PCSK5: variants seen among roughly 807,000 people sequenced by gnomAD.
PCSK5 encodes prohormone convertase 5.
In PCSK5, 129 loss-of-function variants were observed where a neutral mutation model predicts 233.2. The observed-to-expected ratio is 0.55, with a 90% CI of 0.48 to 0.64. The LOEUF is 0.64. Among genes scored for constraint, PCSK5 ranks in the 30% least tolerant of loss-of-function variants. The pLI, the probability that PCSK5 is intolerant of heterozygous loss-of-function variation, is 0.00. For missense variants in PCSK5, 2,076 were observed against 2,430.1 expected (o/e 0.85, Z 3.06); for synonymous variants, 825 against 879.2 (o/e 0.94, Z 1.09).
intron 24 of PCSK5, among the ~76,000 whole-genome samples, chr9:76,253,420 GC>G (rs773497944): frequency 8.6e-5 from 13 of 152,034 alleles, no homozygotes; most frequent in Admixed American, 5.2e-4. Context: ...GAGCCTCCCT[GC>G]CCCCTCATTG....
At chr9:76,234,064 A>T (rs1826178682) in intron 22 of PCSK5, among the ~76,000 whole-genome samples, 1 of 152,144 alleles carries the variant, frequency 6.6e-6, no homozygotes, top group African/African-American at 2.4e-5. Flanking sequence ...ATTTACCTGC[A>T]CTAAAAGTTT....
chr9:76,136,600 A>C (rs1385803831), intron 10 of PCSK5, among the ~76,000 whole-genome samples: 1 of 151,948 alleles, frequency 6.6e-6, no homozygotes, highest in Non-Finnish European at 1.5e-5. Context: ...TCTTTGTCCC[A>C]CCCAACTCAG....
At chr9:75,990,262 C>G (rs897542190) in intron 3 of PCSK5, among the ~76,000 whole-genome samples, 1 of 152,144 alleles carries the variant, frequency 6.6e-6, no homozygotes. Context: ...CCATTTCTGT[C>G]GTTCAATATT....
chr9:76,080,827 G>A (rs1039850120), intron 7 of PCSK5, among the ~76,000 whole-genome samples: 3 of 152,098 alleles, frequency 2.0e-5, no homozygotes, highest in South Asian at 2.1e-4. Flanking sequence ...CTCTAAATAC[G>A]TTATGAATCT....
chr9:76,294,878 C>T (rs1220383711), intron 25 of PCSK5, among the ~76,000 whole-genome samples: 1 of 152,104 alleles, frequency 6.6e-6, no homozygotes, highest in East Asian at 1.9e-4. Context: ...ACAGGCTGGG[C>T]GTGGTGGCTC....
chr9:76,229,198 TAC>T (rs1825996171), intron 21 of PCSK5, among the ~76,000 whole-genome samples: 1 of 152,244 alleles, frequency 6.6e-6, no homozygotes, highest in South Asian at 2.1e-4. Context: ...TACTCTAAGA[TAC>T]AGATAGCATT....
intron 10 of PCSK5, among the ~76,000 whole-genome samples, chr9:76,140,658 A>G (rs1020018414): frequency 6.6e-6 from 1 of 152,096 alleles, no homozygotes; most frequent in Admixed American, 6.6e-5. Context: ...TTTTTAAATC[A>G]TTAATCGTGT....
intron 5 of PCSK5, among the ~76,000 whole-genome samples, chr9:76,040,676 T>G (rs1482326535): frequency 6.6e-6 from 1 of 152,156 alleles, no homozygotes. Context: ...CCCATGTTCC[T>G]TGTATCATAA....
chr9:76,273,817 CT>C (rs745490756), intron 24 of PCSK5, among the ~76,000 whole-genome samples: 479 of 139,986 alleles, frequency 3.4e-3, no homozygotes, highest in Non-Finnish European at 5.2e-3. Context: ...TTTTTTTTTT[CT>C]TTTTTTTTTT....
chr9:76,073,061 T>C (rs1306151690), intron 7 of PCSK5, among the ~76,000 whole-genome samples: 1 of 152,240 alleles, frequency 6.6e-6, no homozygotes, highest in Admixed American at 6.5e-5. Context: ...AGACAGTGCA[T>C]TGCATTCTAG....
chr9:76,215,488 A>T (rs189879753), intron 20 of PCSK5, among the ~76,000 whole-genome samples: 4 of 152,322 alleles, frequency 2.6e-5, no homozygotes, highest in Admixed American at 1.3e-4. Context: ...TATGGGGCCC[A>T]GACTTGTTTC....
In PCSK5 at chr9:76,308,696, G is replaced by T. The variant is rs1232456025; in HGVS notation, c.3656G>T (p.Gly1219Val). The change falls in exon 29 of 38, where the codon GGA becomes GTA. Residue 1219 changes from glycine (G) to valine (V), a missense_variant. Gly to Val is a moderately radical substitution (Grantham distance 109, BLOSUM62 -3). Transcript: ENST00000674117. ...CATTCTTCTTGTAAAACCTGCAATGGATCTGCAACTCTGTGCACTTCATGT... is the reference window on the plus strand; with the variant it reads ...CATTCTTCTTGTAAAACCTGCAATGTATCTGCAACTCTGTGCACTTCATGT... ...PCHSSCKTCN[G>V]SATLCTSCPK... 2.5e-6 allele frequency: 4 copies of T among 1,610,652 alleles called. No homozygotes were observed. The highest frequency in any genetic ancestry group is 3.4e-6 in the Non-Finnish European group (4 of 1,178,082).
intron 20 of PCSK5, among the ~76,000 whole-genome samples, chr9:76,214,749 C>T (rs369574288): frequency 6.6e-6 from 1 of 152,138 alleles, no homozygotes; most frequent in East Asian, 1.9e-4. Context: ...AATTCAGTGA[C>T]CTTGGACAGA....
At chr9:76,337,805 G>A (rs1281463473) in intron 34 of PCSK5, among the ~76,000 whole-genome samples, 10 of 151,016 alleles carry the variant, frequency 6.6e-5, no homozygotes, top group African/African-American at 2.4e-4. Context: ...TCTCTGAATG[G>A]CCAGGCCAAC....
intron 1 of PCSK5, among the ~76,000 whole-genome samples, chr9:75,928,928 T>TATTA (rs1193831710): frequency 1.6e-4 from 14 of 86,518 alleles, no homozygotes; most frequent in Non-Finnish European, 3.4e-4. Flanking sequence ...AGGATTCTGA[T>TATTA]ATTTATTTAT....
intron 24 of PCSK5, among the ~76,000 whole-genome samples, chr9:76,288,958 G>T (rs1048399414): frequency 6.6e-6 from 1 of 152,084 alleles, no homozygotes; most frequent in Admixed American, 6.6e-5. Context: ...AAATAAAATG[G>T]CATAGAATGT....
intron 6 of PCSK5, among the ~76,000 whole-genome samples, chr9:76,069,456 TTA>T (rs1491378122): frequency 5.4e-5 from 1 of 18,660 alleles, no homozygotes; most frequent in East Asian, 4.2e-3. Flanking sequence ...AGAACCTTAT[TTA>T]AAAAAAAAAA....
intron 24 of PCSK5, among the ~76,000 whole-genome samples, chr9:76,277,099 A>T (rs1367335243): frequency 6.6e-6 from 1 of 152,006 alleles, no homozygotes; most frequent in Non-Finnish European, 1.5e-5. Flanking sequence ...GTGTGGTGGC[A>T]CAAACCTGTA....
chr9:76,324,178 G>A lies in PCSK5; in HGVS notation c.4339+890G>A, dbSNP rs142744895. On this transcript the variant is annotated intron_variant, in intron 32 of 37. Transcript: ENST00000674117. ...TGACCTCAAGTGATCCACCTGCCTC[G>A]CCCTTCCAAAGTGCTGGGATAATAA... 7.4e-3 allele frequency among the ~76,000 whole-genome samples: 1,118 copies of A among 151,860 alleles called. 13 individuals carry two copies. Among genetic ancestry groups the A allele is most frequent in the South Asian group, 0.023 (111 of 4,792 alleles).
Sources: gnomAD v4.1 joint callset for allele counts (sites outside exome capture counted in the v4.1 genomes callset) on GRCh38, gnomAD v4.1.1 for gene constraint, MANE v1.5 for transcripts, NCBI Gene and HGNC (gene_info 2026-07-23, HGNC 2026-07-21) for gene names.